The following RANBP2 variants were observed in gnomAD, a reference collection of about 807,000 sequenced individuals.
RANBP2 encodes E3 SUMO-protein ligase RanBP2.
A neutral mutation model predicts 303.6 loss-of-function variants in RANBP2; 57 were observed. The ratio of observed to expected loss-of-function variants is 0.19; its 90% confidence interval spans 0.15 to 0.23. RANBP2 has a LOEUF of 0.23. RANBP2 is among the 10% of genes least tolerant of loss of function. The probability of loss-of-function intolerance (pLI) is 1.00; values close to 1 mark genes in which losing one functional copy is unlikely to be tolerated. For synonymous variants in RANBP2, 1,167 were observed against 1,301.5 expected (o/e 0.90, Z 2.23); for missense variants, 3,138 against 3,780.8 (o/e 0.83, Z 4.46).
chr2:109,283,576 A>G, the RANBP2 span, among the ~76,000 whole-genome samples: 1 of 152,160 alleles, frequency 6.6e-6, no homozygotes, highest in East Asian at 1.9e-4. Context: ...GGATGGGGGC[A>G]CACTTCAGCC....
At position 108,767,205 on chromosome 2, in the gene RANBP2, A is replaced by G; in HGVS notation, c.6666A>G (p.Leu2222=). The G allele has an allele frequency of 1.2e-6, 2 of 1,612,082 alleles. No homozygotes were observed. Among genetic ancestry groups the G allele is most frequent in the South Asian group, 1.1e-5 (1 of 90,990 alleles). Residue 2222 remains leucine, a synonymous_variant, in exon 20 of 29, where the codon TTA becomes TTG. Coordinates refer to ENST00000283195, the MANE Select transcript of RANBP2 (RefSeq NM_006267.5). ...ATCCTGAAAACACTGGGCCCACATT[A>G]GAATGGGATAACTATGATTTAAGGG... ...KPNPENTGPT[L]EWDNYDLRED...
chr2:109,492,714 A>C, the RANBP2 span, among the ~76,000 whole-genome samples: 1 of 152,148 alleles, frequency 6.6e-6, no homozygotes, highest in Non-Finnish European at 1.5e-5. Context: ...GATTCAGCTG[A>C]GGACTTTCTG....
chr2:109,390,101 GTCT>G, the RANBP2 span, among the ~76,000 whole-genome samples: 1 of 152,194 alleles, frequency 6.6e-6, no homozygotes, highest in Non-Finnish European at 1.5e-5. Flanking sequence ...GGATTTAAGT[GTCT>G]ACCGGAGGCC....
chr2:109,306,317 T>A, the RANBP2 span, among the ~76,000 whole-genome samples: 1 of 152,188 alleles, frequency 6.6e-6, no homozygotes, highest in Non-Finnish European at 1.5e-5. Context: ...TGCGATGTTG[T>A]TCTGACCCCT....
chr2:108,720,120 A>T, intron 1 of RANBP2: 1 of 984,072 alleles, frequency 1.0e-6, no homozygotes, highest in East Asian at 1.1e-4. Flanking sequence ...GGAGGAACCC[A>T]GTGGGGACTG....
the RANBP2 span, among the ~76,000 whole-genome samples, chr2:109,691,826 A>C: frequency 6.6e-6 from 1 of 151,504 alleles, no homozygotes; most frequent in Non-Finnish European, 1.5e-5. Context: ...TCTGTCACCC[A>C]GGCTAGAGCG....
the RANBP2 span, among the ~76,000 whole-genome samples, chr2:108,837,924 A>AT: frequency 2.2e-3 from 325 of 144,638 alleles, no homozygotes; most frequent in African/African-American, 3.2e-3. Context: ...AATTTTTTCG[A>AT]TTTTTTTTTT....
chr2:109,245,540 T>A, the RANBP2 span, among the ~76,000 whole-genome samples: 2 of 152,242 alleles, frequency 1.3e-5, no homozygotes, highest in Admixed American at 1.3e-4. Context: ...TTTTTATTTT[T>A]ATTGGACAAA....
the RANBP2 span, among the ~76,000 whole-genome samples, chr2:109,117,420 G>T: frequency 1.1e-4 from 17 of 152,230 alleles, no homozygotes; most frequent in African/African-American, 3.9e-4. Flanking sequence ...GACTCCATGG[G>T]CGTAGGACCC....
the RANBP2 span, among the ~76,000 whole-genome samples, chr2:109,491,477 C>A: frequency 9.2e-5 from 14 of 152,220 alleles, no homozygotes; most frequent in Non-Finnish European, 2.1e-4. Context: ...TGCCCATATT[C>A]ATTCATTTCG....
At chr2:108,780,662 T>C (rs189199005) in intron 25 of RANBP2, among the ~76,000 whole-genome samples, 4 of 151,866 alleles carry the variant, frequency 2.6e-5, no homozygotes, top group Non-Finnish European at 4.4e-5. Context: ...CTCAAGTAGC[T>C]GGGACCACAG....
the RANBP2 span, among the ~76,000 whole-genome samples, chr2:109,351,355 A>C: frequency 1.6e-4 from 25 of 152,320 alleles, no homozygotes; most frequent in Admixed American, 1.6e-3. Context: ...CAGTCTCAGG[A>C]TGCCAGTGTG....
the RANBP2 span, chr2:108,791,411 G>A: frequency 2.3e-6 from 1 of 443,820 alleles, no homozygotes; most frequent in African/African-American, 2.1e-5. Flanking sequence ...GTGTTCCTTA[G>A]CTGTAGAATA....
At chr2:109,760,521 C>CGCCGGCCGCTGCA in the RANBP2 span, among the ~76,000 whole-genome samples, 1 of 138,596 alleles carries the variant, frequency 7.2e-6, no homozygotes, top group Non-Finnish European at 1.6e-5. Context: ...CGGGTGAGTG[C>CGCCGGCCGCTGCA]GCCGGCCGCT....
chr2:108,782,125 T>C lies in RANBP2; in HGVS notation c.8761-3T>C. 1 of 1,613,898 alleles carries C rather than the reference T, an allele frequency of 6.2e-7. No homozygotes were observed. Among genetic ancestry groups the C allele is most frequent in the Non-Finnish European group, 8.5e-7 (1 of 1,179,890 alleles). On this transcript the variant is annotated splice_polypyrimidine_tract_variant and splice_region_variant and intron_variant, in intron 26 of 28. Coordinates refer to ENST00000283195, the MANE Select transcript of RANBP2 (RefSeq NM_006267.5). ...TTATAGAGAATTTCATCTCCTATTA[T>C]AGGTAGAAGTAAAATCTGGAGAAGA...
the RANBP2 span, among the ~76,000 whole-genome samples, chr2:109,322,136 T>G: frequency 6.7e-6 from 1 of 149,296 alleles, no homozygotes; most frequent in Non-Finnish European, 1.5e-5. Context: ...GGGTAAGGAG[T>G]AAGGGGGAGG....
chr2:108,930,856 G>C, the RANBP2 span: 5 of 1,223,460 alleles, frequency 4.1e-6, no homozygotes, highest in Non-Finnish European at 6.0e-6. Context: ...ACCCTGTGGA[G>C]GAGGGACTAT....
chr2:109,599,633 A>G, the RANBP2 span, among the ~76,000 whole-genome samples: 1 of 152,092 alleles, frequency 6.6e-6, no homozygotes, highest in Non-Finnish European at 1.5e-5. Context: ...TTATACCATC[A>G]AACTCCAACA....
chr2:109,511,404 A>G, the RANBP2 span, among the ~76,000 whole-genome samples: 2 of 152,218 alleles, frequency 1.3e-5, no homozygotes, highest in Admixed American at 6.5e-5. Context: ...TCTTTGATCA[A>G]AAAGAACAAA....
Sources: gnomAD v4.1 joint callset for allele counts (sites outside exome capture counted in the v4.1 genomes callset) on GRCh38, gnomAD v4.1.1 for gene constraint, MANE v1.5 for transcripts, NCBI Gene and HGNC (gene_info 2026-07-23, HGNC 2026-07-21) for gene names.